The following PPEF1 variants were observed in gnomAD, a reference collection of about 807,000 sequenced individuals.
PPEF1 encodes the protein protein phosphatase with EF-hand domain 1, also known as serine/threonine-protein phosphatase with EF-hands 1.
PPEF1 carries 12 observed loss-of-function variants against 53.3 expected under a neutral mutation model. The ratio of observed to expected loss-of-function variants is 0.23; its 90% CI spans 0.14 to 0.36. PPEF1 has a LOEUF of 0.36. Among genes scored for constraint, PPEF1 ranks in the 10% least tolerant of loss-of-function variants. The pLI, the probability that PPEF1 is intolerant of heterozygous loss-of-function variation, is 1.00. For missense variants in PPEF1, 334 were observed against 490.4 expected, an observed-to-expected ratio of 0.68 and a Z score of 3.01; for synonymous variants, 165 against 176.7, an observed-to-expected ratio of 0.93 and a Z score of 0.52.
upstream of PPEF1, among the ~76,000 whole-genome samples, chrX:18,680,020 C>T (rs1332060771): frequency 9.7e-6 from 1 of 103,505 alleles, no homozygotes; most frequent in Non-Finnish European, 1.9e-5. Flanking sequence ...GCCTGGGAGG[C>T]GGAGGTTGCA....
chrX:18,727,927 T>C (rs971116512), intron 1 of PPEF1, among the ~76,000 whole-genome samples: 1 of 111,984 alleles, frequency 8.9e-6, no homozygotes, highest in Non-Finnish European at 1.9e-5. Flanking sequence ...CTCCACTGTT[T>C]CGCTATCCGG....
chrX:18,820,694 T>G (rs2047017591), intron 13 of PPEF1, among the ~76,000 whole-genome samples: 1 of 110,843 alleles, frequency 9.0e-6, no homozygotes, highest in African/African-American at 3.3e-5. Flanking sequence ...CAGCAAACTT[T>G]TTTCTTAAAA....
chrX:18,745,849 A>G (rs769373421), intron 3 of PPEF1, among the ~76,000 whole-genome samples: 1 of 112,493 alleles, frequency 8.9e-6, no homozygotes, highest in South Asian at 3.6e-4. Context: ...ATGGACACCA[A>G]TGGTTCTGAT....
chrX:18,697,096 C>T (rs1458539986), intron 4 of PPEF1, among the ~76,000 whole-genome samples: 3 of 112,240 alleles, frequency 2.7e-5, no homozygotes, highest in Non-Finnish European at 3.8e-5. Context: ...GAGAGGTAGC[C>T]AGGCTTCTCC....
At chrX:18,735,808 C>T (rs1173611103) in intron 3 of PPEF1, among the ~76,000 whole-genome samples, 2 of 108,990 alleles carry the variant, frequency 1.8e-5, no homozygotes, top group Non-Finnish European at 3.8e-5. Context: ...TTTCCTTGAG[C>T]AGTGGTTTGT....
At chrX:18,729,459 A>C (rs2044785625) in intron 1 of PPEF1, among the ~76,000 whole-genome samples, 1 of 112,151 alleles carries the variant, frequency 8.9e-6, no homozygotes. Flanking sequence ...GTATCTATAT[A>C]GTTCTATTGA....
In PPEF1 at chrX:18,749,775, T is replaced by A; in HGVS notation, c.236-17T>A. The A allele has an allele frequency of 3.2e-6, 1 of 315,193 alleles. No homozygotes were observed. The highest frequency in any genetic ancestry group is 5.2e-6 in the Non-Finnish European group (1 of 192,645). 26.0% of individuals were successfully genotyped at this position (315,193 alleles called of 1,213,427 possible). On this transcript the variant is annotated splice_polypyrimidine_tract_variant and intron_variant, in intron 3 of 15. Coordinates refer to ENST00000470157, the MANE Select transcript of PPEF1 (RefSeq NM_001377996.1). ...CACCCCCACCCCCACCCCCCCGTTC[T>A]GTCCTTCCTTTTCCAGAATTAAGAA...
chrX:18,802,337 G>C (rs1393365887), intron 10 of PPEF1, among the ~76,000 whole-genome samples: 1 of 111,464 alleles, frequency 9.0e-6, no homozygotes, highest in Non-Finnish European at 1.9e-5. Flanking sequence ...CTCCCAAAGT[G>C]CTGGGATTAC....
In PPEF1 at chrX:18,707,802, A is replaced by G. The variant is rs760317621; in HGVS notation, c.22A>G (p.Thr8Ala). 3.3e-6 allele frequency: 4 copies of G among 1,208,447 alleles called. No individual in the cohort carries two copies. Among genetic ancestry groups the G allele is most frequent in the African/African-American group, 3.5e-5 (2 of 57,221 alleles). MGCSSSS[T>A]KTRRSDTSLR... ...AGTCATGGGATGCAGCAGTTCTTCA[A>G]CGAAAACCAGGAGATCTGACACATG... The change falls in exon 1 of 16, where the codon ACG becomes GCG. Residue 8 changes from threonine to alanine, a missense_variant. By Grantham distance (58) the Thr-to-Ala change is moderately conservative. Transcript: ENST00000470157.
intron 3 of PPEF1, among the ~76,000 whole-genome samples, chrX:18,749,098 T>C (rs1258992123): frequency 9.0e-6 from 1 of 111,609 alleles, no homozygotes; most frequent in Non-Finnish European, 1.9e-5. Flanking sequence ...ATGGGCAATC[T>C]AGCAGGCAGG....
chrX:18,730,727 T>TC (rs1302837193), intron 2 of PPEF1, among the ~76,000 whole-genome samples: 2 of 108,816 alleles, frequency 1.8e-5, no homozygotes, highest in African/African-American at 6.7e-5. Context: ...TTTTTTTTTT[T>TC]CTTCGAGACG....
intron 13 of PPEF1, among the ~76,000 whole-genome samples, chrX:18,819,787 C>A (rs1213898780): frequency 8.9e-6 from 1 of 111,795 alleles, no homozygotes; most frequent in East Asian, 2.8e-4. Flanking sequence ...ATGTAAGAGA[C>A]CATATATTTG....
At chrX:18,783,754 G>A in intron 8 of PPEF1, 145 bp from the exon 9 acceptor site, 1 of 528,504 alleles carries the variant, frequency 1.9e-6, no homozygotes, top group Admixed American at 3.4e-5. Context: ...AAAAAGACAT[G>A]ATGAATACAT....
chrX:18,681,949 C>T (rs1434274106), upstream of PPEF1, among the ~76,000 whole-genome samples: 1 of 112,318 alleles, frequency 8.9e-6, no homozygotes, highest in African/African-American at 3.2e-5. Flanking sequence ...CAAAACAAAC[C>T]TTTATCATTG....
At chrX:18,803,515 G>A (rs1345797032) in intron 10 of PPEF1, among the ~76,000 whole-genome samples, 2 of 112,539 alleles carry the variant, frequency 1.8e-5, no homozygotes, top group African/African-American at 6.5e-5. Flanking sequence ...GGAGTGCAGT[G>A]GAGTGATCAT....
At chrX:18,734,556 C>G (rs984659357) in intron 3 of PPEF1, among the ~76,000 whole-genome samples, 1 of 111,034 alleles carries the variant, frequency 9.0e-6, no homozygotes, top group African/African-American at 3.3e-5. Flanking sequence ...GGTTCCAAGT[C>G]TTTGCTATTG....
At chrX:18,684,179 G>A (rs1224716100) in intron 1 of PPEF1, among the ~76,000 whole-genome samples, 2 of 111,609 alleles carry the variant, frequency 1.8e-5, no homozygotes, top group South Asian at 3.8e-4. Context: ...TGGGTAGTGC[G>A]GGAGCTTTTT....
upstream of PPEF1, among the ~76,000 whole-genome samples, chrX:18,680,196 C>T (rs1409309937): frequency 9.1e-6 from 1 of 110,159 alleles, no homozygotes; most frequent in African/African-American, 3.3e-5. Context: ...TCTCCTGCCT[C>T]GGGGCCTTTG....
In PPEF1 at chrX:18,827,360, A is replaced by G. The variant is rs201175403; in HGVS notation, c.1835A>G (p.Asn612Ser). 12 of 1,208,315 alleles carry G rather than the reference A, an allele frequency of 9.9e-6. No homozygotes were observed. Among genetic ancestry groups the G allele is most frequent in the Non-Finnish European group, 1.3e-5 (12 of 893,429 alleles). ...YNVHIDDSQVNKLANIMDLNK... is the reference protein window; with the variant it reads ...YNVHIDDSQVSKLANIMDLNK... ...GTTCACATTGATGATTCCCAAGTCA[A>G]TAAGCTTGCCAACATAATGGACTTG... Residue 612 changes from asparagine to serine, a missense_variant, in exon 16 of 16, where the codon AAT becomes AGT. Transcript: ENST00000470157.
Sources: gnomAD v4.1 joint callset for allele counts (sites outside exome capture counted in the v4.1 genomes callset) on GRCh38, gnomAD v4.1.1 for gene constraint, MANE v1.5 for transcripts, NCBI Gene and HGNC (gene_info 2026-07-23, HGNC 2026-07-21) for gene names.